ABCD2: variants seen among roughly 807,000 people sequenced by gnomAD.
ABCD2 encodes the protein ATP binding cassette subfamily D member 2.
ABCD2 carries 36 observed loss-of-function variants against 70.9 expected under a neutral mutation model. The observed-to-expected ratio is 0.51, with a 90% CI of 0.39 to 0.67. The LOEUF (loss-of-function observed/expected upper bound fraction) is 0.67. Ranked by LOEUF, ABCD2 falls within the 30% of genes least tolerant of loss-of-function variation. ABCD2 has a pLI of 0.00. For missense variants in ABCD2, 729 were observed against 890.2 expected, an observed-to-expected ratio of 0.82 and a Z score of 2.30; for synonymous variants, 304 against 306.9, an observed-to-expected ratio of 0.99 and a Z score of 0.10.
At chr12:39,605,575 A>G (rs1941958860) in intron 3 of ABCD2, among the ~76,000 whole-genome samples, 1 of 152,162 alleles carries the variant, frequency 6.6e-6, no homozygotes, top group African/African-American at 2.4e-5. Flanking sequence ...CTAAATCTCT[A>G]CTTTAGTCCA....
Position 39,619,437 on chromosome 12 carries a change from G to T in ABCD2, c.179C>A (p.Ala60Glu). ...GKKKAAAYPA[A>E]ENTEILHCTE... Reference sequence around the variant, plus strand: ...GCAATGCAGTATTTCTGTGTTCTCTGCAGCAGGGTAAGCTGCTGCTTTTTT... The same window carrying T: ...GCAATGCAGTATTTCTGTGTTCTCTTCAGCAGGGTAAGCTGCTGCTTTTTT... Residue 60 changes from alanine (A) to glutamate (E), a missense_variant, in exon 1 of 10, where the codon GCA (alanine) becomes GAA (glutamate). Physicochemically the swap from Ala to Glu is moderately radical, Grantham distance 107. Around this residue, in one of 3 missense-constraint regions of ABCD2, gnomAD observed 245 missense variants for 261.2 expected, o/e 0.94. Coordinates refer to ENST00000308666, the MANE Select transcript of ABCD2 (RefSeq NM_005164.4). The T allele has an allele frequency of 6.2e-7, 1 of 1,614,062 alleles. No homozygotes were observed. Among genetic ancestry groups the T allele is most frequent in the Non-Finnish European group, 8.5e-7 (1 of 1,180,026 alleles).
the ABCD2 span, among the ~76,000 whole-genome samples, chr12:39,534,727 GAA>G: frequency 8.8e-6 from 1 of 113,742 alleles, no homozygotes; most frequent in African/African-American, 3.8e-5. Flanking sequence ...AGGAAGGAAG[GAA>G]AAGAAGGAAG....
At chr12:39,590,798 ACTT>A (rs568491551) in intron 6 of ABCD2, among the ~76,000 whole-genome samples, 113 of 151,474 alleles carry the variant, frequency 7.5e-4, no homozygotes, top group African/African-American at 2.7e-3. Context: ...TGTTAGAGTT[ACTT>A]TTTTATTATT....
chr12:39,586,245 C>T lies in ABCD2; in HGVS notation c.1699G>A (p.Val567Met). ...LRDQVIYPDS[V>M]DDMHDKGYTD... ...TAACCTTTATCATGCATATCATCCA[C>T]TGAATCAGGGTAAATGACTTGATCC... Residue 567 changes from valine (V) to methionine (M), a missense_variant, in exon 7 of 10, where the codon GTG (valine) becomes ATG (methionine). Physicochemically the swap from Val to Met is conservative, Grantham distance 21. This residue lies in a region of ABCD2 where 289 missense variants were observed against 328.8 expected (regional missense o/e 0.88). Transcript: ENST00000308666. 6.2e-7 allele frequency: 1 copy of T among 1,613,620 alleles called. No homozygotes were observed. The highest frequency in any genetic ancestry group is 8.5e-7 in the Non-Finnish European group (1 of 1,179,698).
chr12:39,558,882 G>GA (rs1941209578), intron 9 of ABCD2, among the ~76,000 whole-genome samples: 1 of 151,578 alleles, frequency 6.6e-6, no homozygotes, highest in South Asian at 2.1e-4. Context: ...GAAATAATGG[G>GA]AAAAAAGCCA....
chr12:39,557,251 C>T (rs11543371), intron 9 of ABCD2, among the ~76,000 whole-genome samples: 10,310 of 152,140 alleles, frequency 0.068, 531 homozygotes, highest in South Asian at 0.28. Flanking sequence ...AGACTGGTGG[C>T]ATTTTGCCCC....
intron 9 of ABCD2, 123 bp from the exon 10 acceptor site, chr12:39,554,254 G>C (rs905651701): frequency 2.2e-6 from 2 of 908,212 alleles, no homozygotes; most frequent in Admixed American, 3.1e-5. Flanking sequence ...TTACATTTGA[G>C]TTTTAAGGAC....
chr12:39,583,379 G>T (rs539197302), intron 7 of ABCD2, among the ~76,000 whole-genome samples: 1 of 152,164 alleles, frequency 6.6e-6, no homozygotes, highest in Admixed American at 6.5e-5. Context: ...ATGTAAGTGG[G>T]CTGTAAAATA....
chr12:39,573,364 C>G (rs1023842470), intron 9 of ABCD2, among the ~76,000 whole-genome samples: 9 of 151,844 alleles, frequency 5.9e-5, no homozygotes, highest in Non-Finnish European at 1.2e-4. Context: ...ATTTTTTTCC[C>G]CAGATTTTAC....
the ABCD2 span, among the ~76,000 whole-genome samples, chr12:39,531,129 C>T: frequency 3.5e-4 from 53 of 152,134 alleles, 1 homozygote; most frequent in Non-Finnish European, 7.4e-5. Flanking sequence ...CCGCCGTGAA[C>T]AAAACCTGCC....
chr12:39,609,058 C>T (rs1017428036), intron 2 of ABCD2, among the ~76,000 whole-genome samples: 1 of 152,188 alleles, frequency 6.6e-6, no homozygotes, highest in Non-Finnish European at 1.5e-5. Context: ...TTGTCTCTTT[C>T]AGTGGACTAT....
At chr12:39,539,357 T>C in the ABCD2 span, among the ~76,000 whole-genome samples, 2 of 152,250 alleles carry the variant, frequency 1.3e-5, no homozygotes, top group East Asian at 3.8e-4. Context: ...GAACATGTCC[T>C]AATTAGCTAA....
At chr12:39,558,133 C>T (rs542160441) in intron 9 of ABCD2, among the ~76,000 whole-genome samples, 2 of 152,364 alleles carry the variant, frequency 1.3e-5, no homozygotes, top group South Asian at 2.1e-4. Flanking sequence ...GAGCCCAACT[C>T]TTGCATCAGC....
chr12:39,606,881 GTA>G, intron 3 of ABCD2, among the ~76,000 whole-genome samples: 1 of 152,262 alleles, frequency 6.6e-6, no homozygotes, highest in Non-Finnish European at 1.5e-5. Context: ...TAACCACACA[GTA>G]TTCCAAGTAT....
intron 2 of ABCD2, among the ~76,000 whole-genome samples, chr12:39,612,277 T>G (rs1015520251): frequency 6.6e-6 from 1 of 152,172 alleles, no homozygotes; most frequent in Non-Finnish European, 1.5e-5. Flanking sequence ...TGGACAAAAA[T>G]GTTCTTAACA....
chr12:39,538,926 G>A, the ABCD2 span, among the ~76,000 whole-genome samples: 170 of 152,280 alleles, frequency 1.1e-3, 1 homozygote, highest in Middle Eastern at 3.4e-3. Context: ...CCTGTTTACA[G>A]AGGACTATAA....
intron 9 of ABCD2, among the ~76,000 whole-genome samples, chr12:39,570,296 G>A (rs916856653): frequency 6.6e-6 from 1 of 152,152 alleles, no homozygotes. Context: ...TGAGCATAAA[G>A]TACAAAGCTG....
At chr12:39,548,935 A>C (rs1941052957), downstream of ABCD2, among the ~76,000 whole-genome samples, 1 of 151,998 alleles carries the variant, frequency 6.6e-6, no homozygotes, top group African/African-American at 2.4e-5. Context: ...AAATATTATT[A>C]ACTTTGGAAT....
rs540748640 is a variant in ABCD2, at chr12:39,614,598, C to T, written c.1120+2390G>A. On this transcript the variant is annotated intron_variant, in intron 2 of 9. Transcript: ENST00000308666. Reference sequence around the variant, plus strand: ...ATATAAAGCATCATGCACTTTACCTCTAACATAAGGGACAAACTAAAGGCA... The same window carrying T: ...ATATAAAGCATCATGCACTTTACCTTTAACATAAGGGACAAACTAAAGGCA... 4.6e-5 allele frequency among the ~76,000 whole-genome samples: 7 copies of T among 151,596 alleles called. No individual in the cohort carries two copies. The South Asian group carries it at 1.5e-3, about 32-fold the overall frequency.
Sources: gnomAD v4.1 joint callset for allele counts (sites outside exome capture counted in the v4.1 genomes callset) on GRCh38, gnomAD v4.1.1 for gene constraint, gnomAD v4.1.1 regional missense constraint, MANE v1.5 for transcripts, NCBI Gene and HGNC (gene_info 2026-07-23, HGNC 2026-07-21) for gene names.